ASIC2: variants seen among roughly 807,000 people sequenced by gnomAD.
ASIC2 encodes the protein acid sensing ion channel subunit 2.
In ASIC2, 25 loss-of-function variants were observed where a neutral mutation model predicts 57.3. The observed-to-expected ratio is 0.44, with a 90% confidence interval of 0.32 to 0.61. ASIC2 has a LOEUF of 0.61. ASIC2 is among the 20% of genes least tolerant of loss of function. The probability of loss-of-function intolerance (pLI) is 0.06; values close to 1 mark genes in which losing one functional copy is unlikely to be tolerated. For synonymous variants in ASIC2, 319 were observed against 307.5 expected (o/e 1.04, Z -0.39); for missense variants, 641 against 738.1 (o/e 0.87, Z 1.52).
chr17:33,857,958 A>T (rs544595601), intron 1 of ASIC2, among the ~76,000 whole-genome samples: 1 of 152,342 alleles, frequency 6.6e-6, no homozygotes, highest in African/African-American at 2.4e-5. Flanking sequence ...CTTCCACAGC[A>T]AACCTCTGTC....
chr17:33,414,174 G>A (rs902123685), intron 1 of ASIC2, among the ~76,000 whole-genome samples: 1 of 152,202 alleles, frequency 6.6e-6, no homozygotes, highest in Admixed American at 6.5e-5. Flanking sequence ...TACTTGTTGA[G>A]TGCATACATT....
chr17:34,156,129 T>C lies in ASIC2; in HGVS notation c.404A>G (p.Glu135Gly), dbSNP rs1904711418. 1.2e-6 allele frequency: 2 copies of C among 1,613,998 alleles called. No homozygotes were observed. The highest frequency in any genetic ancestry group is 1.7e-6 in the Non-Finnish European group (2 of 1,179,998). The change falls in exon 1 of 10, where the codon GAG becomes GGG. Residue 135 changes from glutamate (E) to glycine (G), a missense_variant. By Grantham distance (98) the Glu-to-Gly change is moderately conservative. Coordinates refer to the ASIC2 transcript ENST00000359872. The surrounding 1 kb of genome is among the most constrained non-coding windows in gnomAD (Gnocchi z 4.4). ...GAAGTTGGCCTTCTGCCGCAGGGCC[T>C]CCAGCACGGAGGGGTCAGCCAGATG...
At chr17:33,751,936 G>A (rs984810707) in intron 1 of ASIC2, among the ~76,000 whole-genome samples, 2 of 150,428 alleles carry the variant, frequency 1.3e-5, no homozygotes, top group African/African-American at 2.5e-5. Context: ...GGGAAGCCGG[G>A]GGTGGGGGTG....
intron 1 of ASIC2, among the ~76,000 whole-genome samples, chr17:33,560,862 T>C (rs1331514090): frequency 6.6e-6 from 1 of 152,224 alleles, no homozygotes; most frequent in African/African-American, 2.4e-5. Flanking sequence ...TTACAGTATC[T>C]GACTGAAGTC....
intron 1 of ASIC2, among the ~76,000 whole-genome samples, chr17:33,309,880 G>T (rs1049197739): frequency 1.4e-4 from 20 of 148,070 alleles, no homozygotes; most frequent in East Asian, 9.8e-4. Context: ...ATTAAATAAA[G>T]ATTTGGTGAA....
chr17:33,784,259 G>T (rs1393254725), intron 1 of ASIC2, among the ~76,000 whole-genome samples: 2 of 152,184 alleles, frequency 1.3e-5, no homozygotes, highest in East Asian at 1.9e-4. Context: ...AGGGCATTCA[G>T]GGAGATAATA....
intron 2 of ASIC2, among the ~76,000 whole-genome samples, chr17:33,092,463 T>G (rs1391776405): frequency 6.6e-6 from 1 of 152,238 alleles, no homozygotes; most frequent in Non-Finnish European, 1.5e-5. Context: ...CAAGCTAGAA[T>G]GCAAGTTAAA....
chr17:33,426,967 T>C (rs1911241148), intron 1 of ASIC2, among the ~76,000 whole-genome samples: 1 of 152,202 alleles, frequency 6.6e-6, no homozygotes, highest in South Asian at 2.1e-4. Context: ...TGAGTCATAT[T>C]CAGAGGAAGA....
At chr17:33,133,237 G>C (rs1395927853) in intron 1 of ASIC2, among the ~76,000 whole-genome samples, 4 of 152,128 alleles carry the variant, frequency 2.6e-5, no homozygotes, top group Non-Finnish European at 5.9e-5. Context: ...AAGGGAAGAG[G>C]GCACAGCATG....
At chr17:33,301,213 T>G (rs1336326712) in intron 1 of ASIC2, among the ~76,000 whole-genome samples, 1 of 149,318 alleles carries the variant, frequency 6.7e-6, no homozygotes, top group Non-Finnish European at 1.5e-5. Flanking sequence ...TTTTTTTTTG[T>G]ATTTTTTGGT....
At chr17:33,161,222 G>A (rs181489873) in intron 1 of ASIC2, among the ~76,000 whole-genome samples, 5 of 152,328 alleles carry the variant, frequency 3.3e-5, no homozygotes, top group Admixed American at 3.3e-4. Context: ...GAGTGAGTAA[G>A]AGGACTAAGG....
chr17:33,474,593 A>C (rs4795796), intron 1 of ASIC2, among the ~76,000 whole-genome samples: 2,581 of 152,100 alleles, frequency 0.017, 45 homozygotes, highest in Non-Finnish European at 0.025. Flanking sequence ...TGAGAGGGGC[A>C]GGCGCACAAC....
chr17:33,548,027 A>T (rs371050779), intron 1 of ASIC2, among the ~76,000 whole-genome samples: 1 of 152,360 alleles, frequency 6.6e-6, no homozygotes, highest in South Asian at 2.1e-4. Flanking sequence ...CTTGGAGCTT[A>T]TCAGAATGCA....
At chr17:33,539,991 A>T (rs1915356628) in intron 1 of ASIC2, among the ~76,000 whole-genome samples, 1 of 152,208 alleles carries the variant, frequency 6.6e-6, no homozygotes, top group Admixed American at 6.5e-5. Context: ...AGAACTCAGC[A>T]CTTGTGTTCA....
At chr17:33,927,054 G>C (rs1915838220) in intron 1 of ASIC2, among the ~76,000 whole-genome samples, 1 of 152,062 alleles carries the variant, frequency 6.6e-6, no homozygotes, top group Admixed American at 6.5e-5. Context: ...TCAGCCTCCT[G>C]AGTAGCTGGG....
chr17:33,016,157 CG>C (rs1567717144), intron 8 of ASIC2, 118 bp from the exon 9 acceptor site: 8 of 892,364 alleles, frequency 9.0e-6, no homozygotes, highest in African/African-American at 3.3e-5. Context: ...CTGAACATAC[CG>C]TAGCACAAGC....
chr17:33,028,187 AG>A, intron 4 of ASIC2, 54 bp downstream of exon 4: 1 of 1,546,792 alleles, frequency 6.5e-7, no homozygotes, highest in Non-Finnish European at 8.7e-7. Flanking sequence ...GAGAAATGCA[AG>A]GTGGGTCCCA....
intron 1 of ASIC2, among the ~76,000 whole-genome samples, chr17:33,665,731 A>T (rs1347171811): frequency 1.3e-5 from 2 of 152,192 alleles, no homozygotes; most frequent in African/African-American, 4.8e-5. Context: ...CTGGTGAATA[A>T]GATTTTCTCC....
chr17:33,506,077 G>C (rs955365473), intron 1 of ASIC2, among the ~76,000 whole-genome samples: 1 of 152,072 alleles, frequency 6.6e-6, no homozygotes, highest in African/African-American at 2.4e-5. Flanking sequence ...TAGGATACTG[G>C]GATATAGGAG....
Sources: allele counts gnomAD v4.1 joint callset (sites outside exome capture counted in the v4.1 genomes callset), GRCh38; gene constraint gnomAD v4.1.1; non-coding constraint Gnocchi (gnomAD v3.1); transcripts MANE v1.5; gene names NCBI Gene and HGNC (gene_info 2026-07-23, HGNC 2026-07-21).